TMEM219: variants seen among roughly 807,000 people sequenced by gnomAD.
The protein encoded by TMEM219 is transmembrane protein 219, also known as insulin-like growth factor-binding protein 3 receptor.
A neutral mutation model predicts 17.9 loss-of-function variants in TMEM219; 18 were observed. The observed-to-expected ratio is 1.01, with a 90% CI of 0.70 to 1.49. The LOEUF is 1.49. Among genes scored for constraint, TMEM219 ranks in the 40% most tolerant of loss-of-function variants. The probability of loss-of-function intolerance (pLI) is 0.00; values close to 1 mark genes in which losing one functional copy is unlikely to be tolerated. For missense variants in TMEM219, 288 were observed against 292.4 expected (o/e 0.99, Z 0.11); for synonymous variants, 113 against 124.0 (o/e 0.91, Z 0.59).
chr16:29,971,650 C>A, intron 5 of TMEM219, 72 bp downstream of exon 5: 1 of 1,453,302 alleles, frequency 6.9e-7, no homozygotes, highest in Non-Finnish European at 9.3e-7. Flanking sequence ...CGGGGTAGAG[C>A]AGATCCTTGG....
In TMEM219 at chr16:29,963,529, G is replaced by A. The variant is rs866027174; in HGVS notation, c.295G>A (p.Asp99Asn). Residue 99 changes from aspartate (D) to asparagine (N), a missense_variant, in exon 3 of 6, where the codon GAC (aspartate) becomes AAC (asparagine). Physicochemically the swap from Asp to Asn is conservative, Grantham distance 23. Coordinates refer to ENST00000279396, the MANE Select transcript of TMEM219 (RefSeq NM_001083613.2). ...LTTLNFGDGPDRNKTRTFQAT... is the reference protein window; with the variant it reads ...LTTLNFGDGPNRNKTRTFQAT... ...CACCTTGAACTTCGGAGACGGTCCAGACAGGAACAAGACCCGGACATTCCA... is the reference window on the plus strand; with the variant it reads ...CACCTTGAACTTCGGAGACGGTCCAAACAGGAACAAGACCCGGACATTCCA... 6.2e-7 allele frequency: 1 copy of A among 1,614,184 alleles called. No homozygotes were observed. Among genetic ancestry groups the A allele is most frequent in the Non-Finnish European group, 8.5e-7 (1 of 1,180,040 alleles).
At chr16:29,967,872 A>C (rs2069232638) in intron 3 of TMEM219, among the ~76,000 whole-genome samples, 153 bp from the exon 4 acceptor site, 1 of 151,748 alleles carries the variant, frequency 6.6e-6, no homozygotes, top group Admixed American at 6.6e-5. Flanking sequence ...GCTTGCAGTG[A>C]GCCGAGATTG....
rs867198194 is a variant in TMEM219, at chr16:29,968,272, G to A, written c.585+18G>A. 4 of 1,598,944 alleles carry A rather than the reference G, an allele frequency of 2.5e-6. No individual in the cohort carries two copies. In the African/African-American group the frequency reaches 4.0e-5, roughly 16 times the overall value. On this transcript the variant is annotated intron_variant, in intron 4 of 5. Transcript: ENST00000279396. Reference sequence around the variant, plus strand: ...TCACCTCGGTAAGAGCCTCAGATGGGTCGCCAGGGTTTTGTAGACTGCCTG... The same window carrying A: ...TCACCTCGGTAAGAGCCTCAGATGGATCGCCAGGGTTTTGTAGACTGCCTG...
intron 4 of TMEM219, 101 bp from the exon 5 acceptor site, chr16:29,971,307 T>C (rs1039786446): frequency 2.5e-6 from 3 of 1,183,870 alleles, no homozygotes; most frequent in Non-Finnish European, 3.6e-6. Context: ...CTTCAGTTGC[T>C]CCCTAGATGT....
At chr16:29,972,739 A>T (rs1047460096) in intron 5 of TMEM219, among the ~76,000 whole-genome samples, 2 of 152,308 alleles carry the variant, frequency 1.3e-5, no homozygotes, top group Admixed American at 1.3e-4. Context: ...ACAGGAAATG[A>T]CAGGACCCTC....
chr16:29,970,887 T>G (rs1186013469), intron 4 of TMEM219, among the ~76,000 whole-genome samples: 8 of 148,076 alleles, frequency 5.4e-5, no homozygotes, highest in Non-Finnish European at 1.0e-4. Context: ...GAGGTTGCAG[T>G]GAGCCGAGAT....
chr16:29,966,710 C>T (rs998271474), intron 3 of TMEM219, among the ~76,000 whole-genome samples: 22 of 151,994 alleles, frequency 1.4e-4, no homozygotes, highest in Non-Finnish European at 2.6e-4. Context: ...CAGCTACTCA[C>T]AAGGCTGAGG....
intron 3 of TMEM219, among the ~76,000 whole-genome samples, chr16:29,964,180 G>T (rs140828272): frequency 6.6e-6 from 1 of 151,650 alleles, no homozygotes; most frequent in African/African-American, 2.4e-5. Context: ...AAAATTAGCC[G>T]GGCATGGTTG....
chr16:29,962,516 C>T (rs1052786350), intron 1 of TMEM219, among the ~76,000 whole-genome samples: 3 of 152,152 alleles, frequency 2.0e-5, no homozygotes, highest in Admixed American at 6.6e-5. Context: ...CAGTTTCCCT[C>T]ACAGTATTTT....
At chr16:29,966,565 C>T (rs2069214880) in intron 3 of TMEM219, among the ~76,000 whole-genome samples, 1 of 152,086 alleles carries the variant, frequency 6.6e-6, no homozygotes, top group African/African-American at 2.4e-5. Context: ...CCTATAATCC[C>T]AGCCTTTGGA....
intron 1 of TMEM219, among the ~76,000 whole-genome samples, 154 bp downstream of exon 1, chr16:29,962,286 C>G (rs2069156067): frequency 6.6e-6 from 1 of 152,166 alleles, no homozygotes; most frequent in Non-Finnish European, 1.5e-5. Context: ...CTTTAACCCC[C>G]TTCCAGCCGG....
intron 4 of TMEM219, among the ~76,000 whole-genome samples, chr16:29,970,752 C>A (rs1010000130): frequency 1.3e-5 from 2 of 151,976 alleles, no homozygotes; most frequent in Non-Finnish European, 2.9e-5. Flanking sequence ...CGAGCCTGGG[C>A]AACATGGTGA....
chr16:29,970,742 C>T (rs1385349692), intron 4 of TMEM219, among the ~76,000 whole-genome samples: 5 of 152,102 alleles, frequency 3.3e-5, no homozygotes, highest in African/African-American at 9.6e-5. Context: ...GACAAATGTT[C>T]GAGCCTGGGC....
intron 1 of TMEM219, chr16:29,962,693 A>G: frequency 6.0e-6 from 1 of 166,428 alleles, no homozygotes; most frequent in Non-Finnish European, 1.3e-5. Context: ...TCTTAAGCTC[A>G]CAGAGTCAGT....
intron 5 of TMEM219, 34 bp downstream of exon 5, chr16:29,971,612 GGAA>G: frequency 2.0e-6 from 3 of 1,537,572 alleles, no homozygotes; most frequent in East Asian, 2.3e-5. Flanking sequence ...GCGGGAGCAG[GGAA>G]TGGGGTGGGG....
intron 3 of TMEM219, among the ~76,000 whole-genome samples, chr16:29,965,426 T>C (rs1241669849): frequency 1.3e-5 from 2 of 152,122 alleles, no homozygotes; most frequent in African/African-American, 4.8e-5. Flanking sequence ...CCATTGAAAG[T>C]GTACAGTTAG....
intron 5 of TMEM219, among the ~76,000 whole-genome samples, chr16:29,972,516 G>C (rs930855145): frequency 6.6e-6 from 1 of 152,174 alleles, no homozygotes; most frequent in Non-Finnish European, 1.5e-5. Context: ...TGTCAGAGGG[G>C]GGTGCATGAA....
At chr16:29,967,007 A>G (rs1247835511) in intron 3 of TMEM219, among the ~76,000 whole-genome samples, 1 of 152,064 alleles carries the variant, frequency 6.6e-6, no homozygotes, top group Non-Finnish European at 1.5e-5. Flanking sequence ...TTTCCCCACT[A>G]ATTTAAAATA....
chr16:29,968,420 A>G, intron 4 of TMEM219, 166 bp downstream of exon 4: 7 of 585,516 alleles, frequency 1.2e-5, no homozygotes, highest in Non-Finnish European at 1.8e-5. Context: ...TCTGAGTGTC[A>G]GCATCCTCAT....
Sources: allele counts gnomAD v4.1 joint callset (sites outside exome capture counted in the v4.1 genomes callset), GRCh38; gene constraint gnomAD v4.1.1; transcripts MANE v1.5; gene names NCBI Gene and HGNC (gene_info 2026-07-23, HGNC 2026-07-21).